Variants in PLXNC1 observed in about 807,000 individuals in gnomAD.
PLXNC1 encodes the protein plexin C1, also known as plexin-C1.
In PLXNC1, 75 loss-of-function variants were observed where a neutral mutation model predicts 178.2. The observed-to-expected ratio is 0.42, with a 90% CI of 0.35 to 0.51. The LOEUF is 0.51. Ranked by LOEUF, PLXNC1 falls within the 20% of genes least tolerant of loss-of-function variation. The pLI is 0.02. For missense variants in PLXNC1, 1,503 were observed against 1,984.4 expected, an observed-to-expected ratio of 0.76 and a Z score of 4.61; for synonymous variants, 790 against 779.9, an observed-to-expected ratio of 1.01 and a Z score of -0.22.
In PLXNC1 at chr12:94,279,481, G is replaced by A. The variant is rs1421442680; in HGVS notation, c.3607G>A (p.Val1203Ile). The A allele has an allele frequency of 1.7e-5, 27 of 1,612,892 alleles. No individual in the cohort carries two copies. Among genetic ancestry groups the A allele is most frequent in the Admixed American group, 8.3e-5 (5 of 59,882 alleles). The change falls in exon 22 of 31, where the codon GTC becomes ATC. Residue 1203 changes from valine to isoleucine, a missense_variant. Transcript: ENST00000258526. ...GTTTGTACTCTTGCAGGCATTAAAC[G>A]TCGTCTTTGAAAAAATCCCGGAAAA... The part of the protein sequence containing the change: ...VPEFSTVALN[V>I]VFEKIPENES...
intron 4 of PLXNC1, among the ~76,000 whole-genome samples, chr12:94,195,099 G>C (rs557016237): frequency 2.3e-4 from 35 of 152,240 alleles, no homozygotes; most frequent in Admixed American, 5.2e-4. Flanking sequence ...AGTGGGTGGA[G>C]ATGCTGGGTG....
chr12:94,225,707 G>A lies in PLXNC1; in HGVS notation c.1791-898G>A, dbSNP rs180733522. On this transcript the variant is annotated intron_variant, in intron 7 of 30. Transcript: ENST00000258526. Reference sequence around the variant, plus strand: ...GACCTAGGTCCCCCAGGGAGGGTGAGCGCCCTTTCCATAGGTAACTGCTTC... The same window carrying A: ...GACCTAGGTCCCCCAGGGAGGGTGAACGCCCTTTCCATAGGTAACTGCTTC... 1.5e-3 allele frequency among the ~76,000 whole-genome samples: 230 copies of A among 152,242 alleles called. 1 individual carries two copies. The highest frequency in any genetic ancestry group is 5.5e-3 in the African/African-American group (227 of 41,530).
intron 1 of PLXNC1, among the ~76,000 whole-genome samples, chr12:94,150,645 C>T (rs1375514999): frequency 6.6e-6 from 1 of 152,230 alleles, no homozygotes; most frequent in Non-Finnish European, 1.5e-5. Context: ...AACCGAACCC[C>T]TGGCGTGAGC....
intron 15 of PLXNC1, chr12:94,254,414 A>G (rs2136073233): frequency 1.9e-5 from 8 of 416,264 alleles, no homozygotes; most frequent in South Asian, 1.4e-4. Context: ...ACATTCAAAA[A>G]CAATGGAACA....
At chr12:94,265,386 T>C (rs1452116301) in intron 21 of PLXNC1, among the ~76,000 whole-genome samples, 161 bp downstream of exon 21, 1 of 152,216 alleles carries the variant, frequency 6.6e-6, no homozygotes, top group East Asian at 1.9e-4. Flanking sequence ...TGTTAACACG[T>C]GTTCACATAA....
At chr12:94,231,173 G>A (rs1180400860) in intron 9 of PLXNC1, among the ~76,000 whole-genome samples, 3 of 152,192 alleles carry the variant, frequency 2.0e-5, no homozygotes, top group Non-Finnish European at 4.4e-5. Flanking sequence ...GGTTGGTTAA[G>A]TCTTTGATTG....
intron 22 of PLXNC1, chr12:94,280,302 G>A (rs532464537): frequency 1.1e-3 from 169 of 159,624 alleles, no homozygotes; most frequent in Non-Finnish European, 1.6e-3. Flanking sequence ...GTCCTCCCAG[G>A]AGACTGTCGT....
chr12:94,264,265 G>A (rs1479134316), intron 20 of PLXNC1, among the ~76,000 whole-genome samples: 2 of 152,138 alleles, frequency 1.3e-5, no homozygotes, highest in African/African-American at 2.4e-5. Flanking sequence ...GCAGACATCC[G>A]TGTCTGCGAA....
chr12:94,286,135 T>A (rs1237990286), intron 23 of PLXNC1, among the ~76,000 whole-genome samples: 1 of 152,224 alleles, frequency 6.6e-6, no homozygotes, highest in African/African-American at 2.4e-5. Flanking sequence ...ATGAAATTAA[T>A]CCGGCCTGTA....
chr12:94,262,436 G>T, intron 20 of PLXNC1: 1 of 940,418 alleles, frequency 1.1e-6, no homozygotes, highest in South Asian at 4.9e-5. Context: ...GCTGCTCTTG[G>T]GCATTAGAGG....
At chr12:94,264,800 T>C (rs1202253251) in intron 20 of PLXNC1, among the ~76,000 whole-genome samples, 1 of 152,238 alleles carries the variant, frequency 6.6e-6, no homozygotes, top group Non-Finnish European at 1.5e-5. Context: ...TATGTAAGTT[T>C]AAACATAAAA....
chr12:94,267,204 A>T (rs191841852), intron 21 of PLXNC1, among the ~76,000 whole-genome samples: 3 of 152,370 alleles, frequency 2.0e-5, no homozygotes, highest in Non-Finnish European at 2.9e-5. Context: ...CATTTCAGTC[A>T]TGAGACAACA....
chr12:94,220,758 G>A (rs1017203863), intron 6 of PLXNC1, among the ~76,000 whole-genome samples: 1 of 152,262 alleles, frequency 6.6e-6, no homozygotes, highest in African/African-American at 2.4e-5. Flanking sequence ...CAGACATGGT[G>A]GAGGGGGAAG....
At chr12:94,211,651 T>G (rs1409937497) in intron 5 of PLXNC1, among the ~76,000 whole-genome samples, 1 of 152,268 alleles carries the variant, frequency 6.6e-6, no homozygotes, top group East Asian at 1.9e-4. Flanking sequence ...AGAAGCTTTA[T>G]TTCTTTCCAC....
Position 94,199,217 on chromosome 12 carries a change from G to A in PLXNC1, c.1440-10373G>A, listed in dbSNP as rs546867589. On this transcript the variant is annotated intron_variant, in intron 4 of 30. Transcript: ENST00000258526. ...GGGCTATTGCACTATTGAGTGGAAT[G>A]GCCGACAATTTGAGACAGAAGAGCC... is the stretch of plus-strand genomic sequence containing the variant. 1.4e-4 allele frequency among the ~76,000 whole-genome samples: 22 copies of A among 152,314 alleles called. 1 individual carries two copies. In the East Asian group the frequency reaches 3.9e-3, roughly 27 times the overall value.
chr12:94,237,237 A>G (rs1964266558), intron 9 of PLXNC1, among the ~76,000 whole-genome samples: 1 of 152,204 alleles, frequency 6.6e-6, no homozygotes, highest in Admixed American at 6.5e-5. Flanking sequence ...AACTGAATTT[A>G]TCTGGAATGA....
intron 1 of PLXNC1, among the ~76,000 whole-genome samples, chr12:94,155,113 T>C (rs533814620): frequency 6.6e-6 from 1 of 152,316 alleles, no homozygotes; most frequent in African/African-American, 2.4e-5. Context: ...CCCAGGTACT[T>C]CCATTCATTG....
intron 23 of PLXNC1, among the ~76,000 whole-genome samples, chr12:94,294,231 C>T (rs1024692096): frequency 2.2e-4 from 33 of 152,280 alleles, no homozygotes; most frequent in Admixed American, 2.6e-4. Flanking sequence ...CCACCTTCTG[C>T]GTACTACCCC....
At chr12:94,177,177 GTATATATA>G (rs202104237) in intron 2 of PLXNC1, among the ~76,000 whole-genome samples, 24,302 of 61,564 alleles carry the variant, frequency 0.39, 2,612 homozygotes, top group East Asian at 0.52. Context: ...ATATATATAC[GTATATATA>G]TGTATATATA....
Sources: gnomAD v4.1 joint callset for allele counts (sites outside exome capture counted in the v4.1 genomes callset) on GRCh38, gnomAD v4.1.1 for gene constraint, MANE v1.5 for transcripts, NCBI Gene and HGNC (gene_info 2026-07-23, HGNC 2026-07-21) for gene names.